The following CIB1 variants were observed in gnomAD, a reference collection of about 807,000 sequenced individuals.
CIB1 encodes calcium and integrin binding 1, also known as calcium and integrin-binding protein 1.
CIB1 carries 19 observed loss-of-function variants against 25.0 expected under a neutral mutation model. The ratio of observed to expected loss-of-function variants is 0.76; its 90% CI spans 0.53 to 1.12. The LOEUF is 1.12. Ranked by LOEUF, CIB1 falls within the 50% of genes most tolerant of loss-of-function variation. CIB1 has a pLI of 0.00. For missense variants in CIB1, 236 were observed against 242.6 expected, an observed-to-expected ratio of 0.97 and a Z score of 0.18; for synonymous variants, 104 against 98.5, an observed-to-expected ratio of 1.06 and a Z score of -0.33.
the CIB1 span, among the ~76,000 whole-genome samples, chr15:90,252,880 G>A: frequency 5.6e-4 from 85 of 152,266 alleles, no homozygotes; most frequent in African/African-American, 1.9e-3. Context: ...GTGGGCGCCT[G>A]TAGTCCCAGC....
the CIB1 span, chr15:90,244,293 T>G: frequency 6.6e-6 from 1 of 152,190 alleles, no homozygotes; most frequent in Admixed American, 6.6e-5. Flanking sequence ...CCAAGCACTT[T>G]AGAAGCTCCT....
the CIB1 span, chr15:90,257,769 A>T: frequency 6.3e-7 from 1 of 1,579,914 alleles, no homozygotes. Context: ...CCTTAGCCCC[A>T]CAGTCCCAGT....
In CIB1 at chr15:90,231,278, C is replaced by T. The variant is rs1022937677; in HGVS notation, c.347-65G>A. On this transcript the variant is annotated intron_variant, in intron 4 of 6. Transcript: ENST00000328649. ...AGGGGCTCTGAGGTTCCCCAAACGG[C>T]GCCCATTTCCCAAGCAGGGCCACCA... 7.3e-5 allele frequency: 117 copies of T among 1,606,820 alleles called. No homozygotes were observed. In the Middle Eastern group the frequency reaches 8.3e-4, roughly 11 times the overall value.
upstream of CIB1, among the ~76,000 whole-genome samples, chr15:90,238,027 C>T (rs780662247): frequency 7.2e-5 from 11 of 152,290 alleles, no homozygotes; most frequent in African/African-American, 1.7e-4. Flanking sequence ...TGGCCAGGTG[C>T]GGTGGCTCAC....
the CIB1 span, chr15:90,256,379 G>T: frequency 1.3e-6 from 2 of 1,571,708 alleles, no homozygotes; most frequent in Non-Finnish European, 1.7e-6. Context: ...CAGGGAGGAA[G>T]CTGGTCTTAG....
the CIB1 span, among the ~76,000 whole-genome samples, chr15:90,261,058 G>A: frequency 2.0e-5 from 3 of 150,704 alleles, no homozygotes; most frequent in Middle Eastern, 3.2e-3. Flanking sequence ...TGTAATGAAC[G>A]TATATTACCT....
the CIB1 span, chr15:90,256,113 CT>C: frequency 1.9e-6 from 3 of 1,610,644 alleles, no homozygotes; most frequent in Non-Finnish European, 2.5e-6. Flanking sequence ...GCACAGAAAC[CT>C]TTTGACCAGG....
the CIB1 span, among the ~76,000 whole-genome samples, chr15:90,261,166 C>G: frequency 1.3e-5 from 2 of 150,722 alleles, no homozygotes; most frequent in African/African-American, 4.9e-5. Context: ...GCAACTTCCA[C>G]CTCCTGGGTT....
At chr15:90,257,766 C>T in the CIB1 span, 1 of 1,582,874 alleles carries the variant, frequency 6.3e-7, no homozygotes, top group East Asian at 2.2e-5. Flanking sequence ...GCCCCTTAGC[C>T]CCACAGTCCC....
At chr15:90,242,431 C>CTTTTTTTTTTTTTTTTTTTTTTTTTT in the CIB1 span, 2 of 65,510 alleles carry the variant, frequency 3.1e-5, no homozygotes, top group Non-Finnish European at 6.1e-5. Flanking sequence ...TTTTCTGTTT[C>CTTTTTTTTTTTTTTTTTTTTTTTTTT]TTTTTTTTTT....
chr15:90,236,362 A>C (rs1275038615), upstream of CIB1, among the ~76,000 whole-genome samples: 1 of 152,176 alleles, frequency 6.6e-6, no homozygotes, highest in Non-Finnish European at 1.5e-5. Flanking sequence ...TAGTGAAGAC[A>C]TGAGAGTCAG....
At chr15:90,257,048 C>G in the CIB1 span, 6 of 1,238,132 alleles carry the variant, frequency 4.8e-6, no homozygotes, top group African/African-American at 6.0e-5. Flanking sequence ...TGTGGAAATT[C>G]AATTAGCTAT....
the CIB1 span, among the ~76,000 whole-genome samples, chr15:90,240,622 G>A: frequency 6.6e-6 from 1 of 152,240 alleles, no homozygotes; most frequent in East Asian, 1.9e-4. Flanking sequence ...AGACCAGCCT[G>A]GCCAACATGG....
At chr15:90,241,646 G>A in the CIB1 span, 6 of 1,614,180 alleles carry the variant, frequency 3.7e-6, no homozygotes, top group South Asian at 1.1e-5. Flanking sequence ...ATTTGCATCT[G>A]CTCCAGGACC....
At chr15:90,238,572 A>T (rs1350266955), upstream of CIB1, 1 of 152,212 alleles carries the variant, frequency 6.6e-6, no homozygotes. Flanking sequence ...TTGACATCCT[A>T]TCTGGGCCAG....
At chr15:90,265,660 GCTAC>G in the CIB1 span, 1 of 1,603,926 alleles carries the variant, frequency 6.2e-7, no homozygotes, top group Non-Finnish European at 8.5e-7. Flanking sequence ...GTCTTACCCG[GCTAC>G]TTCCGCTGCT....
At chr15:90,256,585 CTT>C in the CIB1 span, among the ~76,000 whole-genome samples, 58 of 34,616 alleles carry the variant, frequency 1.7e-3, no homozygotes, top group African/African-American at 6.6e-3. Context: ...TTCTTTCTTT[CTT>C]TCTTTCTTTC....
the CIB1 span, chr15:90,251,525 T>C: frequency 4.4e-6 from 7 of 1,607,952 alleles, no homozygotes; most frequent in Non-Finnish European, 6.0e-6. Flanking sequence ...CTCCCACTCT[T>C]CCTGATTTAT....
the CIB1 span, chr15:90,256,353 C>A: frequency 6.2e-7 from 1 of 1,606,584 alleles, no homozygotes; most frequent in South Asian, 1.1e-5. Context: ...TGGGCTGCCT[C>A]ATCTCTCCCA....
Sources: gnomAD v4.1 joint callset for allele counts (sites outside exome capture counted in the v4.1 genomes callset) on GRCh38, gnomAD v4.1.1 for gene constraint, MANE v1.5 for transcripts, NCBI Gene and HGNC (gene_info 2026-07-23, HGNC 2026-07-21) for gene names.